Variants in SHC3 observed in about 807,000 individuals in gnomAD.
SHC3 encodes the protein SHC adaptor protein 3.
Under a neutral mutation model 60.4 loss-of-function variants are expected in SHC3, and 15 were observed. The ratio of observed to expected loss-of-function variants is 0.25; its 90% CI spans 0.17 to 0.38. The LOEUF (loss-of-function observed/expected upper bound fraction) is 0.38. Ranked by LOEUF, SHC3 falls within the 10% of genes least tolerant of loss-of-function variation. The pLI is 1.00. For missense variants in SHC3, 677 were observed against 786.1 expected, an observed-to-expected ratio of 0.86 and a Z score of 1.66; for synonymous variants, 294 against 325.9, an observed-to-expected ratio of 0.90 and a Z score of 1.05.
At position 89,052,045 on chromosome 9, in the gene SHC3, G is replaced by C. The variant is rs761297529; in HGVS notation, c.954C>G (p.Leu318=). Reference sequence around the variant, plus strand: ...GTCACAGCACTACTCACCGATCATGGAGAGCGGGAATCTTGGTAGGACACT... The same window carrying C: ...GTCACAGCACTACTCACCGATCATGCAGAGCGGGAATCTTGGTAGGACACT... ...YLQCPTKIPA[L]HDRMQSLDEP... The change falls in exon 7 of 12, where the codon CTC becomes CTG. Residue 318 remains leucine, a synonymous_variant. Coordinates refer to ENST00000375835, the MANE Select transcript of SHC3 (RefSeq NM_016848.6). The C allele has an allele frequency of 4.3e-6, 7 of 1,613,854 alleles. No homozygotes were observed. The highest frequency in any genetic ancestry group is 1.7e-4 in the Middle Eastern group (1 of 6,060).
chr9:89,064,884 G>A (rs1424454211), intron 6 of SHC3, among the ~76,000 whole-genome samples: 1 of 152,090 alleles, frequency 6.6e-6, no homozygotes, highest in Non-Finnish European at 1.5e-5. Context: ...AGGGAGTGCT[G>A]TTTTGTGCCG....
At chr9:89,040,122 A>T (rs1335083129) in intron 10 of SHC3, among the ~76,000 whole-genome samples, 1 of 144,336 alleles carries the variant, frequency 6.9e-6, no homozygotes, top group African/African-American at 2.6e-5. Flanking sequence ...CATCACCACC[A>T]CCAGCACCAT....
intron 6 of SHC3, among the ~76,000 whole-genome samples, chr9:89,055,108 T>C (rs1824927325): frequency 6.6e-6 from 1 of 152,252 alleles, no homozygotes; most frequent in Admixed American, 6.5e-5. Flanking sequence ...GGGGATGTGG[T>C]GGCTTTCAGC....
chr9:89,041,833 C>T (rs1474003164), intron 10 of SHC3, among the ~76,000 whole-genome samples, 193 bp downstream of exon 10: 1 of 152,222 alleles, frequency 6.6e-6, no homozygotes, highest in African/African-American at 2.4e-5. Context: ...TGCTCTGTCT[C>T]TTGACTACAG....
At chr9:89,035,478 A>C (rs1277539163) in intron 11 of SHC3, among the ~76,000 whole-genome samples, 8 of 152,194 alleles carry the variant, frequency 5.3e-5, no homozygotes. Flanking sequence ...TAAGGATGTA[A>C]TAGCATGGTA....
chr9:89,089,849 C>T (rs1825594495), intron 2 of SHC3, among the ~76,000 whole-genome samples: 1 of 152,232 alleles, frequency 6.6e-6, no homozygotes, highest in Admixed American at 6.5e-5. Flanking sequence ...CAGCCAGCAC[C>T]TTCTTGGAGT....
At chr9:89,078,255 T>C (rs940591959) in intron 2 of SHC3, among the ~76,000 whole-genome samples, 2 of 152,132 alleles carry the variant, frequency 1.3e-5, no homozygotes, top group Non-Finnish European at 2.9e-5. Context: ...GACACTGTGA[T>C]GCTATCTATC....
intron 1 of SHC3, among the ~76,000 whole-genome samples, chr9:89,125,566 G>A (rs1485807797): frequency 6.6e-6 from 1 of 152,088 alleles, no homozygotes; most frequent in Non-Finnish European, 1.5e-5. Context: ...TTCCCAGAAG[G>A]TTAAGGCTTT....
chr9:89,037,965 T>C (rs200227289), intron 11 of SHC3, 28 bp downstream of exon 11: 4 of 1,584,122 alleles, frequency 2.5e-6, no homozygotes, highest in Admixed American at 1.7e-5. Flanking sequence ...CACTGGCAGG[T>C]CCGGCCCCAC....
At chr9:89,014,017 C>T (rs1047669119) in intron 11 of SHC3, among the ~76,000 whole-genome samples, 1 of 152,168 alleles carries the variant, frequency 6.6e-6, no homozygotes, top group Non-Finnish European at 1.5e-5. Context: ...TAGTGTCTTC[C>T]ACCTGAGCCT....
intron 1 of SHC3, among the ~76,000 whole-genome samples, chr9:89,135,057 G>C (rs1196740521): frequency 6.6e-6 from 1 of 152,084 alleles, no homozygotes; most frequent in Non-Finnish European, 1.5e-5. Flanking sequence ...AATTATTTTT[G>C]AGTAATCTTA....
intron 5 of SHC3, among the ~76,000 whole-genome samples, chr9:89,066,783 G>A (rs984225122): frequency 6.6e-6 from 1 of 152,176 alleles, no homozygotes; most frequent in Non-Finnish European, 1.5e-5. Flanking sequence ...TTCTCTATGG[G>A]CAAAGGAGAC....
intron 5 of SHC3, among the ~76,000 whole-genome samples, chr9:89,069,120 C>A (rs1825229942): frequency 6.6e-6 from 1 of 152,104 alleles, no homozygotes; most frequent in Non-Finnish European, 1.5e-5. Flanking sequence ...CCAGCCTGGG[C>A]AATATGGTGA....
intron 1 of SHC3, among the ~76,000 whole-genome samples, chr9:89,124,853 A>AT (rs1377390339): frequency 6.6e-6 from 1 of 151,314 alleles, no homozygotes; most frequent in African/African-American, 2.4e-5. Flanking sequence ...TTAAAGTAAA[A>AT]TAAAAAAAAA....
intron 1 of SHC3, among the ~76,000 whole-genome samples, chr9:89,116,667 G>T (rs1826023286): frequency 6.6e-6 from 1 of 152,196 alleles, no homozygotes; most frequent in African/African-American, 2.4e-5. Context: ...TCACAGCTAT[G>T]TGAATACCGT....
intron 7 of SHC3, among the ~76,000 whole-genome samples, chr9:89,047,653 T>G (rs1824795805): frequency 6.6e-6 from 1 of 152,178 alleles, no homozygotes; most frequent in Non-Finnish European, 1.5e-5. Context: ...CTCAACATCG[T>G]TAGTCATCAG....
chr9:89,039,465 T>C (rs1824638543), intron 10 of SHC3, among the ~76,000 whole-genome samples: 1 of 152,234 alleles, frequency 6.6e-6, no homozygotes, highest in Non-Finnish European at 1.5e-5. Flanking sequence ...TCTGACTTTT[T>C]TCCTGATTAC....
chr9:89,118,220 ATTTT>A (rs370492467), intron 1 of SHC3, among the ~76,000 whole-genome samples: 3 of 130,392 alleles, frequency 2.3e-5, no homozygotes, highest in Non-Finnish European at 3.3e-5. Flanking sequence ...GTCTCTACCT[ATTTT>A]TTTTTTTTTT....
intron 5 of SHC3, among the ~76,000 whole-genome samples, chr9:89,065,986 C>T (rs1466959790): frequency 6.6e-6 from 1 of 152,174 alleles, no homozygotes; most frequent in Non-Finnish European, 1.5e-5. Context: ...TGCAGATAAT[C>T]CCATTTAATT....
Sources: gnomAD v4.1 joint callset for allele counts (sites outside exome capture counted in the v4.1 genomes callset) on GRCh38, gnomAD v4.1.1 for gene constraint, MANE v1.5 for transcripts, NCBI Gene and HGNC (gene_info 2026-07-23, HGNC 2026-07-21) for gene names.